ERBB4: variants seen among roughly 807,000 people sequenced by gnomAD.
ERBB4 encodes receptor tyrosine-protein kinase erbB-4.
Under a neutral mutation model 158.0 loss-of-function variants are expected in ERBB4, and 42 were observed. The ratio of observed to expected loss-of-function variants is 0.27; its 90% confidence interval spans 0.21 to 0.34. The LOEUF (loss-of-function observed/expected upper bound fraction) is 0.34, where lower values mean the gene tolerates loss of function less well. Among genes scored for constraint, ERBB4 ranks in the 10% least tolerant of loss-of-function variants. ERBB4 has a pLI of 1.00. For missense variants in ERBB4, 1,333 were observed against 1,624.1 expected (o/e 0.82, Z 3.08); for synonymous variants, 583 against 558.7 (o/e 1.04, Z -0.61).
At chr2:211,387,452 A>AT (rs2062709861) in intron 26 of ERBB4, among the ~76,000 whole-genome samples, 1 of 152,216 alleles carries the variant, frequency 6.6e-6, no homozygotes, top group South Asian at 2.1e-4. Context: ...CCTATATTTA[A>AT]TACAAATTTC....
chr2:212,231,117 T>C (rs2083650563), intron 1 of ERBB4, among the ~76,000 whole-genome samples: 1 of 152,194 alleles, frequency 6.6e-6, no homozygotes, highest in African/African-American at 2.4e-5. Flanking sequence ...TGATTTGGTC[T>C]TCCAAAAGTA....
chr2:211,552,332 C>T (rs1030744050), intron 20 of ERBB4, among the ~76,000 whole-genome samples: 4 of 151,518 alleles, frequency 2.6e-5, no homozygotes, highest in Middle Eastern at 3.2e-3. Context: ...TGCAAAAATA[C>T]ACTGAAAAAT....
intron 2 of ERBB4, among the ~76,000 whole-genome samples, chr2:212,116,031 A>G (rs2079561984): frequency 6.6e-6 from 1 of 152,036 alleles, no homozygotes; most frequent in African/African-American, 2.4e-5. Context: ...AAACAGTTTT[A>G]TTGTTATTTA....
At chr2:212,334,005 A>G (rs1438959740) in intron 1 of ERBB4, among the ~76,000 whole-genome samples, 1 of 152,044 alleles carries the variant, frequency 6.6e-6, no homozygotes, top group Non-Finnish European at 1.5e-5. Context: ...AAAATTTCTT[A>G]ATATTCCACT....
intron 1 of ERBB4, among the ~76,000 whole-genome samples, chr2:212,299,258 C>T (rs10755025): frequency 0.74 from 111,937 of 151,484 alleles, 45,667 homozygotes; most frequent in Non-Finnish European, 0.9. Flanking sequence ...CATAATGACA[C>T]CAATTACTTT....
intron 3 of ERBB4, among the ~76,000 whole-genome samples, chr2:211,903,484 G>C (rs1286325351): frequency 6.6e-6 from 1 of 151,964 alleles, no homozygotes; most frequent in Non-Finnish European, 1.5e-5. Context: ...ACCAATTCAT[G>C]AGAGTAATAT....
intron 3 of ERBB4, among the ~76,000 whole-genome samples, chr2:211,944,174 A>ATC (rs2080594157): frequency 2.4e-5 from 1 of 41,352 alleles, no homozygotes; most frequent in Non-Finnish European, 4.6e-5. Flanking sequence ...CTATATATAT[A>ATC]TACTATATAT....
intron 3 of ERBB4, among the ~76,000 whole-genome samples, chr2:211,937,341 C>T (rs148967849): frequency 8.5e-5 from 13 of 152,198 alleles, no homozygotes; most frequent in South Asian, 4.1e-4. Flanking sequence ...AAACTTTTAA[C>T]ATGAACTGGG....
At chr2:211,657,684 G>T (rs2071269116) in intron 16 of ERBB4, 70 bp downstream of exon 16, 2 of 1,154,398 alleles carry the variant, frequency 1.7e-6, no homozygotes, top group South Asian at 1.2e-5. Context: ...AACCCAACTG[G>T]TTAGTACTTT....
At chr2:211,433,624 T>G (rs2063791202) in intron 20 of ERBB4, among the ~76,000 whole-genome samples, 1 of 152,024 alleles carries the variant, frequency 6.6e-6, no homozygotes, top group Non-Finnish European at 1.5e-5. Context: ...AGATTATTGT[T>G]GGATTCTTGA....
rs116415513 is a variant in ERBB4 at position 211,809,194 on chromosome 2, C to T, written c.422-21035G>A. Reference sequence around the variant, plus strand: ...ATAGGAGTGGTGAGAGAGGGCATCCCTCTCTTCATAAAATGAATTAGGGAG... The same window carrying T: ...ATAGGAGTGGTGAGAGAGGGCATCCTTCTCTTCATAAAATGAATTAGGGAG... On this transcript the variant is annotated intron_variant, in intron 3 of 27. Transcript: ENST00000342788. Among the ~76,000 whole-genome samples the T allele has an allele frequency of 2.8e-3, 423 of 152,178 alleles. 1 individual carries two copies. Among genetic ancestry groups the T allele is most frequent in the Non-Finnish European group, 4.8e-3 (327 of 67,956 alleles).
intron 1 of ERBB4, among the ~76,000 whole-genome samples, chr2:212,482,832 C>T (rs1481869668): frequency 6.6e-6 from 1 of 152,174 alleles, no homozygotes; most frequent in Non-Finnish European, 1.5e-5. Context: ...CCATGTTGGC[C>T]AGGATGGCCT....
chr2:212,393,204 A>G (rs1289354876), intron 1 of ERBB4, among the ~76,000 whole-genome samples: 3 of 151,990 alleles, frequency 2.0e-5, no homozygotes, highest in Non-Finnish European at 4.4e-5. Context: ...TTTGGGTCCC[A>G]TTTTCTCAAG....
At chr2:211,684,821 C>T (rs2072497801) in intron 12 of ERBB4, among the ~76,000 whole-genome samples, 1 of 152,150 alleles carries the variant, frequency 6.6e-6, no homozygotes, top group Non-Finnish European at 1.5e-5. Flanking sequence ...TGACTTCATC[C>T]TTCTTACTCT....
At chr2:211,907,742 A>C (rs2079434568) in intron 3 of ERBB4, among the ~76,000 whole-genome samples, 1 of 151,810 alleles carries the variant, frequency 6.6e-6, no homozygotes, top group Middle Eastern at 3.4e-3. Context: ...TGAGGGACTT[A>C]GGTAGTAAGT....
intron 1 of ERBB4, among the ~76,000 whole-genome samples, chr2:212,352,867 T>A (rs997158147): frequency 6.6e-6 from 1 of 151,974 alleles, no homozygotes; most frequent in Non-Finnish European, 1.5e-5. Context: ...AAACTCTGTC[T>A]CAAAAAAATA....
At chr2:212,161,414 T>A (rs2081199204) in intron 1 of ERBB4, among the ~76,000 whole-genome samples, 1 of 151,938 alleles carries the variant, frequency 6.6e-6, no homozygotes, top group Admixed American at 6.6e-5. Context: ...TGAAATGATA[T>A]CAGGATAATT....
chr2:211,845,406 A>T (rs2077564921), intron 3 of ERBB4, among the ~76,000 whole-genome samples: 1 of 152,134 alleles, frequency 6.6e-6, no homozygotes, highest in African/African-American at 2.4e-5. Flanking sequence ...ACACCTATAG[A>T]GGACTGGCTG....
chr2:211,406,224 C>A (rs1014528795), intron 25 of ERBB4, among the ~76,000 whole-genome samples: 1 of 152,142 alleles, frequency 6.6e-6, no homozygotes, highest in Non-Finnish European at 1.5e-5. Context: ...GTTACTTATT[C>A]ATAAATTTCT....
Sources: allele counts gnomAD v4.1 joint callset (sites outside exome capture counted in the v4.1 genomes callset), GRCh38; gene constraint gnomAD v4.1.1; transcripts MANE v1.5; gene names NCBI Gene and HGNC (gene_info 2026-07-23, HGNC 2026-07-21).